Variants in IREB2 observed in about 807,000 individuals in gnomAD.
IREB2 encodes the protein iron responsive element binding protein 2.
A neutral mutation model predicts 118.8 loss-of-function variants in IREB2; 39 were observed. The ratio of observed to expected loss-of-function variants is 0.33; its 90% CI spans 0.25 to 0.43. The LOEUF is 0.43. IREB2 is among the 20% of genes least tolerant of loss of function. The pLI is 1.00. For missense variants in IREB2, 900 were observed against 1,147.3 expected, an observed-to-expected ratio of 0.78 and a Z score of 3.11; for synonymous variants, 372 against 392.2, an observed-to-expected ratio of 0.95 and a Z score of 0.61.
chr15:78,480,482 C>T (rs979352986), intron 10 of IREB2, among the ~76,000 whole-genome samples: 1 of 149,768 alleles, frequency 6.7e-6, no homozygotes, highest in Admixed American at 6.7e-5. Context: ...CAGGAGTTCA[C>T]GACCAGCCTA....
In IREB2 at chr15:78,478,343, T is replaced by G. The variant is rs2051509088; in HGVS notation, c.1242T>G (p.Ala414=). The G allele has an allele frequency of 3.1e-6, 5 of 1,613,838 alleles. No individual in the cohort carries two copies. The highest frequency in any genetic ancestry group is 4.2e-6 in the Non-Finnish European group (5 of 1,179,740). ...KLESMETYLK[A]VKLFRNDQNS... ...AATCAATGGAAACATACCTTAAAGC[T>G]GTGAAATTGTTTCGAAATGACCAGA... Residue 414 remains alanine, a synonymous_variant, in exon 10 of 22, where the codon GCT becomes GCG. Coordinates refer to ENST00000258886, the MANE Select transcript of IREB2 (RefSeq NM_004136.4).
intron 2 of IREB2, among the ~76,000 whole-genome samples, chr15:78,454,317 T>C (rs2656067): frequency 0.029 from 4,373 of 152,316 alleles, 223 homozygotes; most frequent in African/African-American, 0.1. Flanking sequence ...GGCAAAACTT[T>C]GGTATACAAT....
intron 2 of IREB2, among the ~76,000 whole-genome samples, chr15:78,440,262 A>G (rs2050824902): frequency 6.6e-6 from 1 of 152,096 alleles, no homozygotes; most frequent in African/African-American, 2.4e-5. Context: ...TTTTGGGATT[A>G]CACATGTAAG....
chr15:78,470,398 C>A, intron 5 of IREB2, 134 bp from the exon 6 acceptor site: 1 of 523,760 alleles, frequency 1.9e-6, no homozygotes, highest in Non-Finnish European at 3.5e-6. Flanking sequence ...TCTGAGAAAC[C>A]TAGTAAATAG....
intron 2 of IREB2, 109 bp from the exon 3 acceptor site, chr15:78,462,813 T>A (rs763879850): frequency 1.3e-6 from 1 of 770,634 alleles, no homozygotes; most frequent in Non-Finnish European, 2.0e-6. Context: ...TTGTTTAAAT[T>A]GAGAAAACAG....
rs574052928 is a variant in IREB2 at position 78,448,100 on chromosome 15, C to G, written c.106+8219C>G. Among the ~76,000 whole-genome samples, 32 of 152,340 alleles carry G rather than the reference C, an allele frequency of 2.1e-4. 1 individual carries two copies. Among genetic ancestry groups the G allele is most frequent in the African/African-American group, 7.7e-4 (32 of 41,584 alleles). ...CTTATGCAGGAATCTGTTTTGTTTTCTGCTTCCTCAGACTCTCTCAATGGC... is the reference window on the plus strand; with the variant it reads ...CTTATGCAGGAATCTGTTTTGTTTTGTGCTTCCTCAGACTCTCTCAATGGC... On this transcript the variant is annotated intron_variant, in intron 2 of 21. Transcript: ENST00000258886.
chr15:78,478,215 C>A, intron 9 of IREB2, 82 bp from the exon 10 acceptor site: 1 of 925,842 alleles, frequency 1.1e-6, no homozygotes, highest in Non-Finnish European at 1.7e-6. Context: ...GCCTGGGCAA[C>A]AAAGTGAAAC....
At chr15:78,485,584 G>A (rs1323361301) in intron 12 of IREB2, 121 bp from the exon 13 acceptor site, 29 of 1,014,622 alleles carry the variant, frequency 2.9e-5, no homozygotes, top group Non-Finnish European at 4.2e-5. Context: ...AATAATGACA[G>A]TAAGTTTATG....
At position 78,478,383 on chromosome 15, in the gene IREB2, C is replaced by T. The variant is rs772116902; in HGVS notation, c.1282C>T (p.Pro428Ser). The change falls in exon 10 of 22, where the codon CCT (proline) becomes TCT (serine). Residue 428 changes from proline (P) to serine (S), a missense_variant. Transcript: ENST00000258886. Reference protein sequence around the residue: ...FRNDQNSSGEPEYSQVIQINL... With the variant: ...FRNDQNSSGESEYSQVIQINL... ...AAATGACCAGAATTCTTCAGGAGAA[C>T]CTGAATACTCCCAGGTATATGCAGA... is the stretch of plus-strand genomic sequence containing the variant. The T allele has an allele frequency of 5.7e-6, 9 of 1,588,298 alleles. No homozygotes were observed. Among genetic ancestry groups the T allele is most frequent in the Non-Finnish European group, 7.8e-6 (9 of 1,156,614 alleles).
rs2051463241 is a variant in IREB2 at position 78,476,006 on chromosome 15, C to G, written c.1024-182C>G. 1.1e-5 allele frequency: 5 copies of G among 451,958 alleles called. No individual in the cohort carries two copies. In the Admixed American group the frequency reaches 1.8e-4, roughly 17 times the overall value. The allele number at this position is 451,958 out of a possible 1,614,324, so 28.0% of individuals were successfully genotyped here. On this transcript the variant is annotated intron_variant, in intron 8 of 21. Transcript: ENST00000258886. ...AACAGTGACATTGGACCAGTCTTCTCTTTACTTCTTATCTTAAAATACCCC... is the reference window on the plus strand; with the variant it reads ...AACAGTGACATTGGACCAGTCTTCTGTTTACTTCTTATCTTAAAATACCCC...
At position 78,465,368 on chromosome 15, in the gene IREB2, A is replaced by G. The variant is rs745481790; in HGVS notation, c.390A>G (p.Leu130=). 2.1e-5 allele frequency: 34 copies of G among 1,611,690 alleles called. No homozygotes were observed. Among genetic ancestry groups the G allele is most frequent in the Non-Finnish European group, 2.8e-5 (33 of 1,179,372 alleles). Residue 130 remains leucine (L), a synonymous_variant, in exon 4 of 22, where the codon TTA becomes TTG. Coordinates refer to ENST00000258886, the MANE Select transcript of IREB2 (RefSeq NM_004136.4). The stretch of plus-strand genomic sequence containing the variant: ...CAGATCTTACAGTTGACCATTCTTT[A>G]CAAATTGACTTCAGTAAATGGTACT... ...CPTDLTVDHS[L]QIDFSKCAIQ...
At chr15:78,497,971 AACCATC>A (rs1262337024) in intron 21 of IREB2, 56 bp from the exon 22 acceptor site, 1 of 888,588 alleles carries the variant, frequency 1.1e-6, no homozygotes, top group Non-Finnish European at 1.9e-6. Flanking sequence ...AAATGGTCTT[AACCATC>A]AAGTAGCACC....
intron 18 of IREB2, 63 bp downstream of exon 18, chr15:78,490,824 C>T: frequency 6.9e-7 from 1 of 1,455,422 alleles, no homozygotes; most frequent in Non-Finnish European, 9.5e-7. Context: ...TAAGAGGCTT[C>T]TATTGGTCTT....
chr15:78,485,357 G>A (rs2051641217), intron 12 of IREB2, among the ~76,000 whole-genome samples: 1 of 152,102 alleles, frequency 6.6e-6, no homozygotes, highest in Non-Finnish European at 1.5e-5. Flanking sequence ...TGTATAATGT[G>A]TTACATTGCT....
In IREB2 at chr15:78,440,116, C is replaced by A. The variant is rs1172171050; in HGVS notation, c.106+235C>A. Among the ~76,000 whole-genome samples, 3 of 152,102 alleles carry A rather than the reference C, an allele frequency of 2.0e-5. No homozygotes were observed. The East Asian group carries it at 5.8e-4, about 29-fold the overall frequency. Reference sequence around the variant, plus strand: ...TAAGTTAATTAAGCACTAGTTTTTCCCCTCAAAGAAACCAATAATGCAGTT... The same window carrying A: ...TAAGTTAATTAAGCACTAGTTTTTCACCTCAAAGAAACCAATAATGCAGTT... On this transcript the variant is annotated intron_variant, in intron 2 of 21. Transcript: ENST00000258886.
At chr15:78,439,696 T>C (rs1595980331) in intron 1 of IREB2, 99 bp from the exon 2 acceptor site, 3 of 674,852 alleles carry the variant, frequency 4.4e-6, no homozygotes, top group East Asian at 5.6e-5. Context: ...ATTTTTACCA[T>C]TGCAGAAAAT....
At chr15:78,446,466 T>G (rs2050930811) in intron 2 of IREB2, among the ~76,000 whole-genome samples, 1 of 152,168 alleles carries the variant, frequency 6.6e-6, no homozygotes, top group East Asian at 1.9e-4. Context: ...AATGTGGCTG[T>G]CTCTCAAGAA....
Position 78,497,267 on chromosome 15 carries a change from A to C in IREB2, c.2737A>C (p.Thr913Pro). The change falls in exon 21 of 22, where the codon ACA (threonine) becomes CCA (proline). Residue 913 changes from threonine to proline, a missense_variant. Physicochemically the swap from Thr to Pro is conservative, Grantham distance 38 (BLOSUM62 -1). Coordinates refer to ENST00000258886, the MANE Select transcript of IREB2 (RefSeq NM_004136.4). ...CTCCGGTAGAGAAACATTTTCTTTA[A>C]CATTTCCTGAAGAACTGTCTCCTGG... ...GLSGRETFSLTFPEELSPGIT... is the reference protein window; with the variant it reads ...GLSGRETFSLPFPEELSPGIT... 6.2e-7 allele frequency: 1 copy of C among 1,613,972 alleles called. No homozygotes were observed. Among genetic ancestry groups the C allele is most frequent in the Non-Finnish European group, 8.5e-7 (1 of 1,179,840 alleles).
chr15:78,478,516 A>T, intron 10 of IREB2, 119 bp downstream of exon 10: 1 of 609,198 alleles, frequency 1.6e-6, no homozygotes, highest in African/African-American at 1.9e-5. Context: ...CAGCCTGGGC[A>T]ATATGGTAAA....
Sources: gnomAD v4.1 joint callset for allele counts (sites outside exome capture counted in the v4.1 genomes callset) on GRCh38, gnomAD v4.1.1 for gene constraint, MANE v1.5 for transcripts, NCBI Gene and HGNC (gene_info 2026-07-23, HGNC 2026-07-21) for gene names.